VEPH1: variants seen among roughly 807,000 people sequenced by gnomAD.
VEPH1 encodes ventricular zone expressed PH domain containing 1, also known as ventricular zone-expressed PH domain-containing protein homolog 1.
Under a neutral mutation model 85.2 loss-of-function variants are expected in VEPH1, and 80 were observed. That is an observed-to-expected ratio of 0.94 (90% CI 0.78 to 1.13). VEPH1 has a LOEUF of 1.13. Among genes scored for constraint, VEPH1 ranks in the 50% most tolerant of loss-of-function variants. The pLI, the probability that VEPH1 is intolerant of heterozygous loss-of-function variation, is 0.00. For missense variants in VEPH1, 955 were observed against 980.5 expected (o/e 0.97, Z 0.35); for synonymous variants, 297 against 348.0 (o/e 0.85, Z 1.63).
chr3:157,344,517 C>T lies in VEPH1; in HGVS notation c.1735+18847G>A, dbSNP rs369379562. 1.1e-3 allele frequency among the ~76,000 whole-genome samples: 167 copies of T among 152,074 alleles called. 2 individuals carry two copies. In the South Asian group the frequency reaches 0.014, roughly 13 times the overall value. On this transcript the variant is annotated intron_variant, in intron 9 of 13. Coordinates refer to ENST00000362010, the MANE Select transcript of VEPH1 (RefSeq NM_001167912.2). ...AGGAGAACTACAAACCACTGCTCAA[C>T]GAAATAAAAGAGGATACAAACAAAT...
At chr3:157,332,674 G>C (rs1221856709) in intron 9 of VEPH1, among the ~76,000 whole-genome samples, 1 of 151,900 alleles carries the variant, frequency 6.6e-6, no homozygotes, top group East Asian at 1.9e-4. Flanking sequence ...TCTACCTTTT[G>C]GTCATTGTGA....
chr3:157,473,722 C>T (rs1255880051), intron 2 of VEPH1, among the ~76,000 whole-genome samples: 1 of 151,950 alleles, frequency 6.6e-6, no homozygotes, highest in Non-Finnish European at 1.5e-5. Context: ...GATTTAATTT[C>T]CCTAGTAAGC....
intron 2 of VEPH1, among the ~76,000 whole-genome samples, chr3:157,481,433 A>AACACACACACACACACACAC (rs1177654727): frequency 2.6e-5 from 1 of 38,664 alleles, no homozygotes; most frequent in African/African-American, 1.3e-4. Context: ...TATGGAACCA[A>AACACACACACACACACACAC]ACACACACAC....
chr3:157,363,232 A>G, intron 9 of VEPH1, 132 bp downstream of exon 9: 1 of 840,478 alleles, frequency 1.2e-6, no homozygotes, highest in Non-Finnish European at 1.8e-6. Flanking sequence ...ACATAATGTA[A>G]GGTATTTAAA....
At chr3:157,394,783 G>A (rs771843652) in intron 6 of VEPH1, among the ~76,000 whole-genome samples, 2 of 152,150 alleles carry the variant, frequency 1.3e-5, no homozygotes, top group Non-Finnish European at 2.9e-5. Flanking sequence ...AGAACATAAT[G>A]TCATGGGAAT....
At chr3:157,495,073 C>T (rs1739550816) in intron 2 of VEPH1, 139 bp downstream of exon 2, 2 of 843,986 alleles carry the variant, frequency 2.4e-6, no homozygotes, top group Non-Finnish European at 3.5e-6. Context: ...CCAACAAAAC[C>T]ACAGAGCAGA....
At chr3:157,291,971 A>T (rs1311370719) in intron 11 of VEPH1, among the ~76,000 whole-genome samples, 1 of 152,338 alleles carries the variant, frequency 6.6e-6, no homozygotes, top group East Asian at 1.9e-4. Context: ...ATATCTGCAT[A>T]TCTATGGGTA....
rs1388140705 is a variant in VEPH1 at position 157,319,535 on chromosome 3, C to CA, written c.1736-2335dup. 3.3e-5 allele frequency among the ~76,000 whole-genome samples: 5 copies of CA among 151,940 alleles called. No homozygotes were observed. In the East Asian group the frequency reaches 9.6e-4, roughly 29 times the overall value. ...AAACCTATTATCTCAAGAGCACATA[C>CA]AAAAAATGGTATTTGAAATAAATCT... On this transcript the variant is annotated intron_variant, in intron 9 of 13. Coordinates refer to ENST00000362010, the MANE Select transcript of VEPH1 (RefSeq NM_001167912.2).
intron 2 of VEPH1, chr3:157,488,914 CTCTCT>C: frequency 1.7e-5 from 1 of 57,656 alleles, no homozygotes; most frequent in African/African-American, 2.3e-4. Context: ...AGTTCGTTCT[CTCTCT>C]CTCTCTCTCT....
intron 6 of VEPH1, among the ~76,000 whole-genome samples, chr3:157,383,228 A>G (rs1341588043): frequency 6.6e-6 from 1 of 152,206 alleles, no homozygotes; most frequent in African/African-American, 2.4e-5. Context: ...TGCTTTTACT[A>G]GACTCTAGAT....
intron 9 of VEPH1, among the ~76,000 whole-genome samples, chr3:157,346,132 C>G (rs924144139): frequency 7.9e-5 from 12 of 152,016 alleles, no homozygotes; most frequent in African/African-American, 2.4e-4. Flanking sequence ...ACATAAGTAA[C>G]AAACCTGCAC....
At chr3:157,408,919 A>C (rs1169450528) in intron 6 of VEPH1, among the ~76,000 whole-genome samples, 2 of 152,178 alleles carry the variant, frequency 1.3e-5, no homozygotes, top group Non-Finnish European at 2.9e-5. Flanking sequence ...AGCTGGGGCC[A>C]TGCCAAGGAG....
intron 5 of VEPH1, among the ~76,000 whole-genome samples, chr3:157,415,468 C>A (rs145938261): frequency 9.5e-4 from 145 of 152,260 alleles, no homozygotes; most frequent in African/African-American, 3.3e-3. Flanking sequence ...CCTCTCTCAG[C>A]GGGACATGGA....
At chr3:157,271,689 A>G (rs946144755) in intron 12 of VEPH1, among the ~76,000 whole-genome samples, 1 of 152,120 alleles carries the variant, frequency 6.6e-6, no homozygotes, top group African/African-American at 2.4e-5. Context: ...GGTGGAAGGT[A>G]CCTGAAAGCC....
chr3:157,416,287 G>T (rs1454130819), intron 5 of VEPH1, among the ~76,000 whole-genome samples: 2 of 152,036 alleles, frequency 1.3e-5, no homozygotes, highest in Non-Finnish European at 1.5e-5. Flanking sequence ...GAACATAAAA[G>T]AAGAAAGTTT....
chr3:157,470,071 A>T (rs978043482), intron 3 of VEPH1, among the ~76,000 whole-genome samples: 1 of 152,048 alleles, frequency 6.6e-6, no homozygotes, highest in Non-Finnish European at 1.5e-5. Context: ...ATACTCTCCA[A>T]ACAGATTAGA....
chr3:157,377,256 A>T (rs1311724025), intron 7 of VEPH1, among the ~76,000 whole-genome samples: 1 of 151,240 alleles, frequency 6.6e-6, no homozygotes, highest in African/African-American at 2.4e-5. Context: ...TGACCTTTTC[A>T]TCTCTTTACA....
rs1491109935 is a variant in VEPH1 at position 157,369,179 on chromosome 3, TGA to T, written c.1128-4669_1128-4668del. 3.5e-3 allele frequency among the ~76,000 whole-genome samples: 53 copies of T among 15,064 alleles called. 2 individuals are homozygous for T. The Middle Eastern group carries it at 0.1, about 28-fold the overall frequency. 9.9% of individuals were successfully genotyped at this position (15,064 alleles called of 152,430 possible). On this transcript the variant is annotated intron_variant, in intron 7 of 13. Coordinates refer to ENST00000362010, the MANE Select transcript of VEPH1 (RefSeq NM_001167912.2). Reference sequence around the variant, plus strand: ...AACAACAACAACAACAAAAACCAAATGAAAAAAAAAAAAAAAAAAAAAAAACC... The same window carrying T: ...AACAACAACAACAACAAAAACCAAATAAAAAAAAAAAAAAAAAAAAAAACC...
In VEPH1 at chr3:157,333,223, G is replaced by A. The variant is rs554813049; in HGVS notation, c.1736-16022C>T. Among the ~76,000 whole-genome samples the A allele has an allele frequency of 5.3e-5, 8 of 152,174 alleles. No individual in the cohort carries two copies. The East Asian group carries it at 1.5e-3, about 29-fold the overall frequency. ...CTTTTAGTTCTCCAGTGAATTTTTG[G>A]TATTCCCTAGGAAGAATGCACCTTC... On this transcript the variant is annotated intron_variant, in intron 9 of 13. Transcript: ENST00000362010.
Sources: allele counts gnomAD v4.1 joint callset (sites outside exome capture counted in the v4.1 genomes callset), GRCh38; gene constraint gnomAD v4.1.1; transcripts MANE v1.5; gene names NCBI Gene and HGNC (gene_info 2026-07-23, HGNC 2026-07-21).